The following TBCK variants were observed in gnomAD, a reference collection of about 807,000 sequenced individuals.
TBCK encodes TBC1 domain containing kinase, also known as TBC domain-containing protein kinase-like protein.
A neutral mutation model predicts 113.4 loss-of-function variants in TBCK; 99 were observed. That is an observed-to-expected ratio of 0.87 (90% CI 0.74 to 1.03). The LOEUF is 1.03. TBCK is among the 50% of genes least tolerant of loss of function. TBCK has a pLI of 0.00. For missense variants in TBCK, 1,045 were observed against 1,061.3 expected (o/e 0.98, Z 0.21); for synonymous variants, 369 against 370.8 (o/e 1.00, Z 0.05).
intron 22 of TBCK, among the ~76,000 whole-genome samples, chr4:106,174,548 T>C (rs1413960756): frequency 2.0e-5 from 3 of 152,148 alleles, no homozygotes; most frequent in African/African-American, 4.8e-5. Flanking sequence ...TGAAATTTCA[T>C]GGTGATATAC....
At chr4:106,201,078 C>T (rs543215372) in intron 20 of TBCK, among the ~76,000 whole-genome samples, 1 of 151,854 alleles carries the variant, frequency 6.6e-6, no homozygotes, top group East Asian at 1.9e-4. Context: ...CAAAACAAAG[C>T]TTATTCTAAT....
intron 3 of TBCK, among the ~76,000 whole-genome samples, chr4:106,284,825 G>C (rs1764957431): frequency 6.6e-6 from 1 of 152,060 alleles, no homozygotes; most frequent in Non-Finnish European, 1.5e-5. Flanking sequence ...AGGTATATCT[G>C]TTTTTTAAAT....
chr4:106,248,652 T>C (rs1342676012), intron 8 of TBCK, among the ~76,000 whole-genome samples: 1 of 152,150 alleles, frequency 6.6e-6, no homozygotes, highest in African/African-American at 2.4e-5. Context: ...TCATAAGGGC[T>C]CTTCCCCTGG....
chr4:106,194,635 AT>A, intron 21 of TBCK, 82 bp downstream of exon 21: 1 of 1,055,604 alleles, frequency 9.5e-7, no homozygotes, highest in Non-Finnish European at 1.4e-6. Flanking sequence ...GCTCAATGTT[AT>A]TGTAAATATA....
intron 23 of TBCK, among the ~76,000 whole-genome samples, chr4:106,161,639 C>T (rs910155693): frequency 2.0e-5 from 3 of 151,904 alleles, no homozygotes; most frequent in African/African-American, 7.3e-5. Context: ...AGTATTACTA[C>T]CATGATAACA....
At chr4:106,176,954 T>G (rs1030575083) in intron 22 of TBCK, among the ~76,000 whole-genome samples, 10 of 151,090 alleles carry the variant, frequency 6.6e-5, no homozygotes, top group African/African-American at 2.2e-4. Flanking sequence ...TTGGCCATTT[T>G]TAAGTGTTTT....
intron 22 of TBCK, among the ~76,000 whole-genome samples, chr4:106,179,024 T>C (rs952077949): frequency 3.9e-5 from 6 of 151,998 alleles, no homozygotes; most frequent in African/African-American, 1.2e-4. Context: ...TGTTAGTGTA[T>C]AGTTGTTCAT....
rs887258966 is a variant in TBCK at position 106,306,045 on chromosome 4, A to G, written c.193+2723T>C. Among the ~76,000 whole-genome samples, 3 of 151,408 alleles carry G rather than the reference A, an allele frequency of 2.0e-5. No homozygotes were observed. In the South Asian group the frequency reaches 6.3e-4, roughly 32 times the overall value. ...TTCCTAACAAACTTGTTTTCACTTT[A>G]CTCTATGGACTTGCCCTGAATTCCT... On this transcript the variant is annotated intron_variant, in intron 2 of 25. Transcript: ENST00000394708.
chr4:106,071,499 A>G (rs981379908), intron 25 of TBCK, among the ~76,000 whole-genome samples: 1 of 152,184 alleles, frequency 6.6e-6, no homozygotes, highest in African/African-American at 2.4e-5. Context: ...GCATTTGCTG[A>G]GGAGTGCTTT....
In TBCK at chr4:106,212,810, C is replaced by T; in HGVS notation, c.1800G>A (p.Met600Ile). 2 of 1,612,470 alleles carry T rather than the reference C, an allele frequency of 1.2e-6. No individual in the cohort carries two copies. Among genetic ancestry groups the T allele is most frequent in the Non-Finnish European group, 1.7e-6 (2 of 1,179,108 alleles). The change falls in exon 20 of 26, where the codon ATG becomes ATA. Residue 600 changes from methionine to isoleucine, a missense_variant. Coordinates refer to ENST00000394708, the MANE Select transcript of TBCK (RefSeq NM_001163435.3). ...TCAGCTCTGGATCATGAAATGCAAT[C>T]ATCTGAGAGAAGACAGTCAGATACT... ...IQEYLTVFSQ[M>I]IAFHDPELSN... is the part of the protein sequence containing the mutation.
At chr4:106,120,119 C>T (rs1048754756) in intron 23 of TBCK, among the ~76,000 whole-genome samples, 15 of 152,228 alleles carry the variant, frequency 9.9e-5, no homozygotes, top group East Asian at 3.9e-4. Context: ...GCACCGTGCG[C>T]GAGCCGAAGC....
intron 2 of TBCK, among the ~76,000 whole-genome samples, chr4:106,295,477 AAAG>A: frequency 6.6e-6 from 1 of 152,304 alleles, no homozygotes. Context: ...ACATTGAAAG[AAAG>A]AAGTAAAAGA....
intron 23 of TBCK, among the ~76,000 whole-genome samples, chr4:106,155,595 TCTGA>T (rs1749029351): frequency 6.6e-6 from 1 of 152,128 alleles, no homozygotes; most frequent in South Asian, 2.1e-4. Context: ...TTTTGTCTCC[TCTGA>T]CTGTGTATTT....
At chr4:106,232,818 G>A in intron 17 of TBCK, 120 bp downstream of exon 17, 2 of 943,528 alleles carry the variant, frequency 2.1e-6, no homozygotes, top group Non-Finnish European at 3.1e-6. Flanking sequence ...AAATGAATCA[G>A]AGCGTCAATA....
At chr4:106,196,876 A>G (rs1220357976) in intron 20 of TBCK, among the ~76,000 whole-genome samples, 1 of 152,054 alleles carries the variant, frequency 6.6e-6, no homozygotes. Context: ...ATCTTCTTCA[A>G]ATTATTTCAG....
chr4:106,254,427 C>A (rs1367956525), intron 5 of TBCK, among the ~76,000 whole-genome samples: 1 of 152,182 alleles, frequency 6.6e-6, no homozygotes, highest in Non-Finnish European at 1.5e-5. Flanking sequence ...TGTTCTTTAA[C>A]TCCAGATACT....
intron 3 of TBCK, among the ~76,000 whole-genome samples, chr4:106,271,766 ACAAAAC>A (rs1763514318): frequency 6.6e-6 from 1 of 151,124 alleles, no homozygotes. Context: ...AAAAAAAAAA[ACAAAAC>A]AAAAAAACAA....
intron 25 of TBCK, among the ~76,000 whole-genome samples, chr4:106,071,819 T>G (rs1315530417): frequency 6.6e-6 from 1 of 152,248 alleles, no homozygotes; most frequent in Non-Finnish European, 1.5e-5. Flanking sequence ...AGTTAGCTCT[T>G]CTTGCTGAAT....
intron 23 of TBCK, among the ~76,000 whole-genome samples, chr4:106,169,957 C>T (rs372788103): frequency 2.6e-5 from 4 of 151,978 alleles, no homozygotes; most frequent in African/African-American, 4.8e-5. Flanking sequence ...CAGGAAGCAG[C>T]GCTCAGGTGG....
Sources: allele counts gnomAD v4.1 joint callset (sites outside exome capture counted in the v4.1 genomes callset), GRCh38; gene constraint gnomAD v4.1.1; transcripts MANE v1.5; gene names NCBI Gene and HGNC (gene_info 2026-07-23, HGNC 2026-07-21).